Variants in AKT3 observed in about 807,000 individuals in gnomAD.
AKT3 encodes the protein RAC-gamma serine/threonine-protein kinase.
A neutral mutation model predicts 65.3 loss-of-function variants in AKT3; 15 were observed. The ratio of observed to expected loss-of-function variants is 0.23; its 90% CI spans 0.15 to 0.35. The LOEUF is 0.35. Among genes scored for constraint, AKT3 ranks in the 10% least tolerant of loss-of-function variants. The pLI is 1.00. For synonymous variants in AKT3, 206 were observed against 183.8 expected (o/e 1.12, Z -0.98); for missense variants, 243 against 576.5 (o/e 0.42, Z 5.92).
At chr1:243,588,034 C>A (rs1044040632) in intron 8 of AKT3, among the ~76,000 whole-genome samples, 4 of 152,142 alleles carry the variant, frequency 2.6e-5, no homozygotes, top group African/African-American at 7.2e-5. Flanking sequence ...ATATGATTAT[C>A]CACCTTTTGT....
chr1:243,544,613 C>A (rs1314542597), intron 12 of AKT3, among the ~76,000 whole-genome samples: 4 of 151,684 alleles, frequency 2.6e-5, no homozygotes, highest in African/African-American at 9.7e-5. Context: ...AGAGACCTTG[C>A]CTCAAAAAAT....
chr1:243,801,804 C>T (rs75382827), intron 2 of AKT3, among the ~76,000 whole-genome samples: 5,707 of 152,210 alleles, frequency 0.037, 133 homozygotes, highest in Middle Eastern at 0.079. Context: ...CAAAAATTAT[C>T]GAGCCACATT....
chr1:243,491,148 C>T (rs1217816351), intron 13 of AKT3, among the ~76,000 whole-genome samples: 1 of 152,244 alleles, frequency 6.6e-6, no homozygotes, highest in Non-Finnish European at 1.5e-5. Context: ...TTTAACTCCC[C>T]ATCTGCCTGC....
intron 2 of AKT3, among the ~76,000 whole-genome samples, chr1:243,755,284 A>C (rs1465550795): frequency 6.7e-6 from 1 of 149,306 alleles, no homozygotes; most frequent in Admixed American, 6.7e-5. Flanking sequence ...CATGTTGCCC[A>C]GGGTGGTCTC....
chr1:243,666,784 CACTTCCATTAGCCTAGAGTTGG>C (rs1221468273), intron 3 of AKT3, among the ~76,000 whole-genome samples: 1 of 152,206 alleles, frequency 6.6e-6, no homozygotes, highest in Non-Finnish European at 1.5e-5. Flanking sequence ...ATGCTCAGAA[CACTTCCATTAGCCTAGAGTTGG>C]ACAAAAATCA....
chr1:243,697,830 T>C (rs180721468), intron 2 of AKT3, among the ~76,000 whole-genome samples: 249 of 152,166 alleles, frequency 1.6e-3, no homozygotes, highest in Non-Finnish European at 2.9e-3. Flanking sequence ...GTTGTTTTCC[T>C]TGAGGTGATA....
intron 8 of AKT3, among the ~76,000 whole-genome samples, chr1:243,580,334 A>G (rs1675242733): frequency 6.6e-6 from 1 of 152,148 alleles, no homozygotes; most frequent in Non-Finnish European, 1.5e-5. Flanking sequence ...GCCAAGGGAG[A>G]GCACTTTGTT....
intron 10 of AKT3, among the ~76,000 whole-genome samples, chr1:243,555,195 CA>C (rs1673329998): frequency 6.6e-6 from 1 of 152,152 alleles, no homozygotes; most frequent in Admixed American, 6.5e-5. Flanking sequence ...GTCTTCCTGA[CA>C]TGTAAACTTA....
chr1:243,644,204 T>C (rs1267511290), intron 5 of AKT3, among the ~76,000 whole-genome samples: 2 of 152,234 alleles, frequency 1.3e-5, no homozygotes, highest in South Asian at 2.1e-4. Flanking sequence ...GAAGTTATAT[T>C]AGAAACAAAA....
chr1:243,518,050 G>T (rs901507940), intron 12 of AKT3, among the ~76,000 whole-genome samples: 2 of 152,212 alleles, frequency 1.3e-5, no homozygotes, highest in African/African-American at 4.8e-5. Flanking sequence ...TAAATGGCTT[G>T]CCAAAAATTA....
intron 2 of AKT3, among the ~76,000 whole-genome samples, chr1:243,771,377 T>A (rs1336201532): frequency 6.6e-6 from 1 of 152,154 alleles, no homozygotes; most frequent in Non-Finnish European, 1.5e-5. Context: ...GTGCAGAACC[T>A]AACATAGCCC....
At chr1:243,585,683 C>A (rs1490391869) in intron 8 of AKT3, among the ~76,000 whole-genome samples, 1 of 152,050 alleles carries the variant, frequency 6.6e-6, no homozygotes, top group Non-Finnish European at 1.5e-5. Flanking sequence ...AGCTGGTGAG[C>A]CATACGCAGA....
At chr1:243,546,185 T>TGCC (rs916531695) in intron 11 of AKT3, among the ~76,000 whole-genome samples, 4 of 152,212 alleles carry the variant, frequency 2.6e-5, no homozygotes, top group African/African-American at 9.6e-5. Flanking sequence ...CTGTAAGATG[T>TGCC]GCCTCTGCTC....
intron 5 of AKT3, among the ~76,000 whole-genome samples, chr1:243,644,858 T>C (rs1262867448): frequency 6.6e-6 from 1 of 152,160 alleles, no homozygotes; most frequent in Admixed American, 6.5e-5. Flanking sequence ...TTTTTCTTTT[T>C]GCAATGATGG....
chr1:243,636,586 C>A (rs1679988611), intron 6 of AKT3, among the ~76,000 whole-genome samples: 1 of 152,058 alleles, frequency 6.6e-6, no homozygotes, highest in Non-Finnish European at 1.5e-5. Context: ...TGATTGGTTG[C>A]CCAACACACT....
At chr1:243,787,196 T>A (rs1351594432) in intron 2 of AKT3, among the ~76,000 whole-genome samples, 2 of 152,166 alleles carry the variant, frequency 1.3e-5, no homozygotes, top group Non-Finnish European at 2.9e-5. Flanking sequence ...CAAATCCAAT[T>A]ACACACGTGA....
At chr1:243,708,859 C>A (rs1398898961) in intron 2 of AKT3, among the ~76,000 whole-genome samples, 1 of 151,948 alleles carries the variant, frequency 6.6e-6, no homozygotes, top group African/African-American at 2.4e-5. Flanking sequence ...AATACCAATA[C>A]ACTCGTTTGT....
At chr1:243,838,036 A>C (rs1454601489) in intron 2 of AKT3, among the ~76,000 whole-genome samples, 1 of 151,102 alleles carries the variant, frequency 6.6e-6, no homozygotes, top group Non-Finnish European at 1.5e-5. Context: ...AACTTACAAA[A>C]TCAATACATA....
rs751165191 is a variant in AKT3 at position 243,648,256 on chromosome 1, TA to T, written c.285-2220del. Among the ~76,000 whole-genome samples the T allele has an allele frequency of 7.1e-3, 899 of 126,846 alleles. 3 individuals carry two copies. The highest frequency in any genetic ancestry group is 0.016 in the African/African-American group (546 of 34,432). 83.2% of individuals were successfully genotyped at this position (126,846 alleles called of 152,430 possible). A position where few individuals can be genotyped will look rare whatever the true frequency, so the allele number is the denominator to read the frequency against. On this transcript the variant is annotated intron_variant, in intron 4 of 13. Coordinates refer to ENST00000673466, the MANE Select transcript of AKT3 (RefSeq NM_005465.7). ...GAGGGTGACAGAGCAAGACTCCGTC[TA>T]AAAAAAAAAAAAAGAAAAGAAAAGA...
Sources: gnomAD v4.1 joint callset for allele counts (sites outside exome capture counted in the v4.1 genomes callset) on GRCh38, gnomAD v4.1.1 for gene constraint, MANE v1.5 for transcripts, NCBI Gene and HGNC (gene_info 2026-07-23, HGNC 2026-07-21) for gene names.